Variants in ADCY10 observed in about 807,000 individuals in gnomAD.
ADCY10 encodes the protein adenylate cyclase 10.
In ADCY10, 156 loss-of-function variants were observed where a neutral mutation model predicts 183.3. That is an observed-to-expected ratio of 0.85 (90% CI 0.75 to 0.97). ADCY10 has a LOEUF of 0.97. ADCY10 is among the 50% of genes least tolerant of loss of function. The probability of loss-of-function intolerance (pLI) is 0.00; values close to 1 mark genes in which losing one functional copy is unlikely to be tolerated. For synonymous variants in ADCY10, 645 were observed against 670.0 expected, an observed-to-expected ratio of 0.96 and a Z score of 0.58; for missense variants, 1,745 against 1,934.3, an observed-to-expected ratio of 0.90 and a Z score of 1.84.
chr1:167,907,914 T>C (rs1343203970), intron 1 of ADCY10, among the ~76,000 whole-genome samples: 1 of 152,234 alleles, frequency 6.6e-6, no homozygotes, highest in Non-Finnish European at 1.5e-5. Context: ...AGTATTCTGG[T>C]GTCAACTCAG....
chr1:167,845,445 T>C, intron 21 of ADCY10, 118 bp downstream of exon 21: 1 of 1,057,924 alleles, frequency 9.5e-7, no homozygotes, highest in Non-Finnish European at 1.4e-6. Context: ...TCATCATTCT[T>C]TGTGCCCAAG....
chr1:167,896,526 T>C (rs921754563), intron 7 of ADCY10, 69 bp downstream of exon 7: 1 of 1,247,424 alleles, frequency 8.0e-7, no homozygotes, highest in African/African-American at 1.5e-5. Flanking sequence ...AATGAAGCTG[T>C]CGGCATTGAT....
intron 18 of ADCY10, among the ~76,000 whole-genome samples, chr1:167,853,902 A>C (rs1348344634): frequency 7.4e-6 from 1 of 135,336 alleles, no homozygotes; most frequent in Non-Finnish European, 1.5e-5. Flanking sequence ...GCAGTGGTGC[A>C]ATCTCAGCTC....
chr1:167,893,315 G>T (rs1001530802), intron 8 of ADCY10, among the ~76,000 whole-genome samples: 2 of 152,150 alleles, frequency 1.3e-5, no homozygotes, highest in Admixed American at 6.5e-5. Flanking sequence ...ATAAGGCAAC[G>T]CAGTCCTATT....
In ADCY10 at chr1:167,860,852, T is replaced by A. The variant is rs146848798; in HGVS notation, c.1809+19A>T. 158 of 1,608,562 alleles carry A rather than the reference T, an allele frequency of 9.8e-5. No homozygotes were observed. In the African/African-American group the frequency reaches 1.9e-3, roughly 20 times the overall value. On this transcript the variant is annotated intron_variant, in intron 15 of 32. Coordinates refer to ENST00000367851, the MANE Select transcript of ADCY10 (RefSeq NM_018417.6). The stretch of plus-strand genomic sequence containing the variant: ...CTGCCCATGGCTATTTGTGCAGAAG[T>A]ATAATACTAGCTAGTTACCTGAACA...
Position 167,827,169 on chromosome 1 carries a change from C to CT in ADCY10, c.3750+2097dup, listed in dbSNP as rs879670745. Among the ~76,000 whole-genome samples the CT allele has an allele frequency of 4.8e-3, 697 of 144,246 alleles. 4 individuals are homozygous for CT. The highest frequency in any genetic ancestry group is 0.014 in the African/African-American group (533 of 39,476). 94.6% of individuals were successfully genotyped at this position (144,246 alleles called of 152,430 possible). On this transcript the variant is annotated intron_variant, in intron 26 of 32. Coordinates refer to ENST00000367851, the MANE Select transcript of ADCY10 (RefSeq NM_018417.6). Reference sequence around the variant, plus strand: ...GAGGAAGAAACCCAGACTTAATGTACTTTTTTTTTTTTTCCTGAGATGGAG... The same window carrying CT: ...GAGGAAGAAACCCAGACTTAATGTACTTTTTTTTTTTTTTCCTGAGATGGAG...
chr1:167,833,020 A>T lies in ADCY10; in HGVS notation c.3560T>A (p.Val1187Glu). ...HVEKNRHFHY[V>E]NRQAQESPPP... Reference sequence around the variant, plus strand: ...TGGGCTCTCTTGGGCCTGCCGATTCACATAATGAAAGTGTCTGTTTTTCTC... The same window carrying T: ...TGGGCTCTCTTGGGCCTGCCGATTCTCATAATGAAAGTGTCTGTTTTTCTC... The change falls in exon 25 of 33, where the codon GTG (valine) becomes GAG (glutamate). Residue 1187 changes from valine (V) to glutamate (E), a missense_variant. Val to Glu is a moderately radical substitution (Grantham distance 121). Coordinates refer to ENST00000367851, the MANE Select transcript of ADCY10 (RefSeq NM_018417.6). 1 of 1,614,124 alleles carries T rather than the reference A, an allele frequency of 6.2e-7. No homozygotes were observed. Among genetic ancestry groups the T allele is most frequent in the Non-Finnish European group, 8.5e-7 (1 of 1,180,012 alleles).
At chr1:167,913,921 C>T (rs1670307676) in intron 1 of ADCY10, 55 bp downstream of exon 1, 3 of 152,346 alleles carry the variant, frequency 2.0e-5, no homozygotes, top group Admixed American at 1.3e-4. Context: ...TGACGGTCGC[C>T]CTCATCTTCA....
At chr1:167,827,168 A>G (rs1317231842) in intron 26 of ADCY10, among the ~76,000 whole-genome samples, 1 of 149,998 alleles carries the variant, frequency 6.7e-6, no homozygotes, top group African/African-American at 2.5e-5. Flanking sequence ...GACTTAATGT[A>G]CTTTTTTTTT....
At chr1:167,821,934 T>C (rs1662936142) in intron 30 of ADCY10, 90 bp downstream of exon 30, 1 of 912,736 alleles carries the variant, frequency 1.1e-6, no homozygotes, top group African/African-American at 1.6e-5. Flanking sequence ...GTATAAATTA[T>C]GAATACTTTC....
chr1:167,819,878 G>T, intron 30 of ADCY10: 1 of 843,560 alleles, frequency 1.2e-6, no homozygotes, highest in Non-Finnish European at 2.0e-6. Flanking sequence ...TTTTCTAATA[G>T]CCAAATATTT....
chr1:167,843,506 G>T (rs1249204358), intron 21 of ADCY10, among the ~76,000 whole-genome samples: 3 of 151,542 alleles, frequency 2.0e-5, no homozygotes, highest in African/African-American at 7.3e-5. Flanking sequence ...CTTCACTAAA[G>T]CTTCCTTAAT....
At chr1:167,876,209 A>T (rs1667457320) in intron 12 of ADCY10, among the ~76,000 whole-genome samples, 1 of 151,278 alleles carries the variant, frequency 6.6e-6, no homozygotes, top group Non-Finnish European at 1.5e-5. Flanking sequence ...GTGAGCCAAG[A>T]TCACGCCATT....
In ADCY10 at chr1:167,874,866, C is replaced by T. The variant is rs203825; in HGVS notation, c.1462+265G>A. ...TGAGTAAGAGAAAGTATATATAAGCCGTATATAATTATACAATGTATGATT... is the reference window on the plus strand; with the variant it reads ...TGAGTAAGAGAAAGTATATATAAGCTGTATATAATTATACAATGTATGATT... On this transcript the variant is annotated intron_variant, in intron 13 of 32. Transcript: ENST00000367851. Among the ~76,000 whole-genome samples, 51,793 of 151,894 alleles carry T rather than the reference C, an allele frequency of 0.34. 9,831 individuals carry two copies. Among genetic ancestry groups the T allele is most frequent in the African/African-American group, 0.51 (20,967 of 41,414 alleles).
intron 22 of ADCY10, 117 bp from the exon 23 acceptor site, chr1:167,836,657 A>C (rs1206511560): frequency 8.3e-6 from 6 of 724,452 alleles, no homozygotes; most frequent in African/African-American, 1.8e-5. Context: ...TGGGAGGCCG[A>C]AGCTGGTGGA....
At chr1:167,888,199 T>G (rs1571410759) in intron 8 of ADCY10, among the ~76,000 whole-genome samples, 1 of 152,254 alleles carries the variant, frequency 6.6e-6, no homozygotes, top group South Asian at 2.1e-4. Flanking sequence ...TAATTTGAAG[T>G]CAGATAATAT....
At chr1:167,883,723 T>G (rs1329958965) in intron 8 of ADCY10, 95 bp from the exon 9 acceptor site, 41 of 1,158,148 alleles carry the variant, frequency 3.5e-5, no homozygotes, top group South Asian at 3.4e-4. Flanking sequence ...ATCTAGGGAA[T>G]GTCTACCTCA....
At chr1:167,864,379 GC>G (rs1450576630) in intron 14 of ADCY10, among the ~76,000 whole-genome samples, 4 of 152,138 alleles carry the variant, frequency 2.6e-5, no homozygotes, top group Non-Finnish European at 4.4e-5. Flanking sequence ...AAATAGACTG[GC>G]CAACATTAGA....
In ADCY10 at chr1:167,883,519, G is replaced by A. The variant is rs760410331; in HGVS notation, c.938C>T (p.Ala313Val). 3.1e-6 allele frequency: 5 copies of A among 1,614,182 alleles called. No homozygotes were observed. The highest frequency in any genetic ancestry group is 3.3e-5 in the Admixed American group (2 of 60,026). ...DQDKAEEIGP[A>V]IQDAYMHITS... The stretch of plus-strand genomic sequence containing the variant: ...GATGTGCATATAGGCATCCTGGATG[G>A]CTGGGCCTATCTCTTCTGCTTTGTC... The change falls in exon 9 of 33, where the codon GCC becomes GTC. Residue 313 changes from alanine (A) to valine (V), a missense_variant. By Grantham distance (64) the Ala-to-Val change is moderately conservative (BLOSUM62 0). Transcript: ENST00000367851.
Sources: gnomAD v4.1 joint callset for allele counts (sites outside exome capture counted in the v4.1 genomes callset) on GRCh38, gnomAD v4.1.1 for gene constraint, MANE v1.5 for transcripts, NCBI Gene and HGNC (gene_info 2026-07-23, HGNC 2026-07-21) for gene names.